HS6ST2: variants seen among roughly 807,000 people sequenced by gnomAD.
HS6ST2 encodes the protein heparan-sulfate 6-O-sulfotransferase 2.
In HS6ST2, 17 loss-of-function variants were observed where a neutral mutation model predicts 33.0. That is an observed-to-expected ratio of 0.52 (90% CI 0.35 to 0.77). The LOEUF is 0.77. Ranked by LOEUF, HS6ST2 falls within the 30% of genes least tolerant of loss-of-function variation. The pLI is 0.01. For synonymous variants in HS6ST2, 248 were observed against 237.1 expected (o/e 1.05, Z -0.42); for missense variants, 519 against 551.7 (o/e 0.94, Z 0.59).
chrX:132,685,684 C>T (rs1018958096), intron 3 of HS6ST2, among the ~76,000 whole-genome samples: 17 of 111,531 alleles, frequency 1.5e-4, no homozygotes, highest in African/African-American at 5.5e-4. Flanking sequence ...TCACTTCTGG[C>T]CCCCAACCAT....
chrX:132,961,328 G>T (rs1012979060), upstream of HS6ST2: 1 of 110,892 alleles, frequency 9.0e-6, no homozygotes, highest in Non-Finnish European at 1.9e-5. Flanking sequence ...TATTTTCCCA[G>T]AACCGTCCTT....
In HS6ST2 at chrX:132,810,941, C is replaced by T. The variant is rs150088202; in HGVS notation, c.948-102447G>A. On this transcript the variant is annotated intron_variant, in intron 2 of 4. Transcript: ENST00000370833. Reference sequence around the variant, plus strand: ...CAGAACCATCCAGCCAACTCATAGGCTATAAAATAATAAACAGTTATGTTA... The same window carrying T: ...CAGAACCATCCAGCCAACTCATAGGTTATAAAATAATAAACAGTTATGTTA... Among the ~76,000 whole-genome samples, 889 of 112,374 alleles carry T rather than the reference C, an allele frequency of 7.9e-3. 4 individuals carry two copies. Among genetic ancestry groups the T allele is most frequent in the Middle Eastern group, 0.023 (5 of 215 alleles).
At chrX:132,670,715 A>G (rs1430511997) in intron 3 of HS6ST2, among the ~76,000 whole-genome samples, 1 of 112,721 alleles carries the variant, frequency 8.9e-6, no homozygotes, top group Non-Finnish European at 1.9e-5. Context: ...TGGGAGGCTG[A>G]GGCAGGAGAA....
chrX:132,716,331 C>T lies in HS6ST2; in HGVS notation c.948-7837G>A, dbSNP rs185297591. 1.4e-3 allele frequency among the ~76,000 whole-genome samples: 161 copies of T among 112,178 alleles called. 2 individuals carry two copies. The South Asian group carries it at 0.033, about 23-fold the overall frequency. On this transcript the variant is annotated intron_variant, in intron 2 of 4. Coordinates refer to ENST00000370833, the MANE Select transcript of HS6ST2 (RefSeq NM_001394073.1). ...TACATTGTTTCTGAAAACATTACCA[C>T]AGCACCTATTTGACAATTTAGTCTT...
At chrX:132,640,750 AAAT>A (rs1471739063) in intron 4 of HS6ST2, among the ~76,000 whole-genome samples, 1 of 112,411 alleles carries the variant, frequency 8.9e-6, no homozygotes, top group Non-Finnish European at 1.9e-5. Flanking sequence ...TTATATGTTG[AAAT>A]AATAATGTGG....
chrX:132,889,711 G>T, intron 2 of HS6ST2, among the ~76,000 whole-genome samples: 1 of 111,488 alleles, frequency 9.0e-6, no homozygotes, highest in South Asian at 4.0e-4. Context: ...AGGCAATGTG[G>T]AAGTAAGTAG....
intron 2 of HS6ST2, among the ~76,000 whole-genome samples, chrX:132,804,807 TAAA>T (rs1260272066): frequency 9.0e-6 from 1 of 110,591 alleles, no homozygotes; most frequent in Non-Finnish European, 1.9e-5. Flanking sequence ...TCAAAATAAA[TAAA>T]TAAATAAAGG....
At chrX:132,653,552 A>C (rs243441) in intron 4 of HS6ST2, among the ~76,000 whole-genome samples, 50,161 of 110,203 alleles carry the variant, frequency 0.46, 10,130 homozygotes, top group African/African-American at 0.79. Context: ...AGCCAGCCCC[A>C]TCATTTAACA....
intron 2 of HS6ST2, among the ~76,000 whole-genome samples, chrX:132,953,346 C>G: frequency 9.3e-6 from 1 of 107,189 alleles, no homozygotes; most frequent in Non-Finnish European, 1.9e-5. Context: ...ACAACTTGAG[C>G]CTTTCACCAG....
intron 2 of HS6ST2, among the ~76,000 whole-genome samples, chrX:132,829,199 T>TATATATATATATATATATATATATATAC (rs55664940): frequency 2.7e-5 from 2 of 73,294 alleles, no homozygotes; most frequent in African/African-American, 6.1e-5. Flanking sequence ...TATATATATA[T>TATATATATATATATATATATATATATAC]ACATACTTAT....
intron 2 of HS6ST2, among the ~76,000 whole-genome samples, chrX:132,873,328 A>T (rs1004579055): frequency 8.9e-6 from 1 of 111,796 alleles, no homozygotes; most frequent in East Asian, 2.8e-4. Flanking sequence ...AAACTAAGTT[A>T]TTCTATGGGT....
intron 2 of HS6ST2, among the ~76,000 whole-genome samples, chrX:132,760,172 C>T (rs974698249): frequency 3.6e-5 from 4 of 111,073 alleles, no homozygotes; most frequent in Middle Eastern, 4.7e-3. Context: ...AGGCAGAATT[C>T]GTGACTACAG....
intron 4 of HS6ST2, among the ~76,000 whole-genome samples, chrX:132,641,473 A>C (rs1307611698): frequency 1.8e-5 from 2 of 112,449 alleles, no homozygotes; most frequent in Non-Finnish European, 3.8e-5. Context: ...TCCTGCATTA[A>C]TTCGCTTACG....
chrX:132,817,007 A>G (rs1230564686), intron 2 of HS6ST2, among the ~76,000 whole-genome samples: 1 of 111,785 alleles, frequency 8.9e-6, no homozygotes, highest in African/African-American at 3.3e-5. Context: ...CATGTAATCA[A>G]GGTGATTAAA....
At chrX:132,788,260 T>C (rs1350257423) in intron 2 of HS6ST2, among the ~76,000 whole-genome samples, 1 of 112,057 alleles carries the variant, frequency 8.9e-6, no homozygotes, top group Non-Finnish European at 1.9e-5. Flanking sequence ...ATTTTGGTAA[T>C]TTTCACAATA....
At chrX:132,635,197 G>A (rs1267610929) in intron 4 of HS6ST2, among the ~76,000 whole-genome samples, 2 of 111,512 alleles carry the variant, frequency 1.8e-5, no homozygotes, top group African/African-American at 3.3e-5. Context: ...GAAACCAAAG[G>A]GCCATCCTTG....
intron 2 of HS6ST2, among the ~76,000 whole-genome samples, chrX:132,914,791 G>C (rs1477367951): frequency 8.9e-6 from 1 of 112,245 alleles, no homozygotes; most frequent in Non-Finnish European, 1.9e-5. Context: ...AGCTGGGCTT[G>C]CTCTCTCAAA....
chrX:132,742,693 C>T (rs1391481590), intron 2 of HS6ST2, among the ~76,000 whole-genome samples: 1 of 112,252 alleles, frequency 8.9e-6, no homozygotes, highest in Non-Finnish European at 1.9e-5. Flanking sequence ...TTGTATGCAC[C>T]GATTTAAGGA....
intron 4 of HS6ST2, among the ~76,000 whole-genome samples, chrX:132,630,026 A>AT (rs1478921655): frequency 8.9e-6 from 1 of 112,167 alleles, no homozygotes; most frequent in East Asian, 2.8e-4. Context: ...ACTAGCAAAC[A>AT]TTTAAACCAC....
Sources: allele counts gnomAD v4.1 joint callset (sites outside exome capture counted in the v4.1 genomes callset), GRCh38; gene constraint gnomAD v4.1.1; transcripts MANE v1.5; gene names NCBI Gene and HGNC (gene_info 2026-07-23, HGNC 2026-07-21).